The following PRPF8 variants were observed in gnomAD, a reference collection of about 807,000 sequenced individuals.
PRPF8 encodes the protein pre-mRNA-processing-splicing factor 8.
A neutral mutation model predicts 285.9 loss-of-function variants in PRPF8; 64 were observed. The observed-to-expected ratio is 0.22, with a 90% confidence interval of 0.18 to 0.28. The LOEUF (loss-of-function observed/expected upper bound fraction) is 0.28. PRPF8 is among the 10% of genes least tolerant of loss of function. The pLI is 1.00. For missense variants in PRPF8, 1,426 were observed against 3,026.7 expected (o/e 0.47, Z 12.41); for synonymous variants, 1,325 against 1,118.2 (o/e 1.18, Z -3.69).
chr17:1,675,438 G>A lies in PRPF8; in HGVS notation c.2873-99C>T, dbSNP rs1041354858. ...TACCTTCCATAACCAATCCCACTAT[G>A]ATTCCACGTATTCATTTGGATTGCT... is the stretch of plus-strand genomic sequence containing the variant. On this transcript the variant is annotated intron_variant, in intron 19 of 42. Transcript: ENST00000304992. The surrounding 1 kb of genome is among the most constrained non-coding windows in gnomAD (Gnocchi z 6.0). The A allele has an allele frequency of 2.0e-6, 3 of 1,477,334 alleles. No individual in the cohort carries two copies. The highest frequency in any genetic ancestry group is 1.4e-5 in the African/African-American group (1 of 72,096). The allele number at this position is 1,477,334 out of a possible 1,614,324, so 91.5% of individuals were successfully genotyped here.
rs574075876 is a variant in PRPF8 at position 1,677,144 on chromosome 17, T to C, written c.2013A>G (p.Thr671=). ...EGRHSKGVAK[T]VTKQRVESHF... ...GTGACTCCACTCGCTGCTTTGTTAC[T>C]GTCTTTGCCACCCCCTTTGAGTGTC... The change falls in exon 15 of 43, where the codon ACA becomes ACG. Residue 671 remains threonine (T), a synonymous_variant. Transcript: ENST00000304992. 1.8e-4 allele frequency: 287 copies of C among 1,613,898 alleles called. 4 individuals are homozygous for C. In the South Asian group the frequency reaches 2.8e-3, roughly 16 times the overall value.
At chr17:1,669,981 A>G (rs1912216671) in intron 24 of PRPF8, among the ~76,000 whole-genome samples, 1 of 152,104 alleles carries the variant, frequency 6.6e-6, no homozygotes, top group Admixed American at 6.6e-5. Flanking sequence ...GTTTCTTCAG[A>G]TTGCTTCTCA....
chr17:1,682,105 C>T (rs752041047), intron 4 of PRPF8, 24 bp downstream of exon 4: 44 of 1,613,784 alleles, frequency 2.7e-5, no homozygotes, highest in Non-Finnish European at 3.1e-5. Flanking sequence ...CCACCACCAC[C>T]CACCATATTT....
At chr17:1,683,982 G>A (rs182046194) in intron 2 of PRPF8, among the ~76,000 whole-genome samples, 79 of 151,824 alleles carry the variant, frequency 5.2e-4, no homozygotes, top group South Asian at 1.2e-3. Flanking sequence ...CGCCTCCTGG[G>A]TTCAAGCCAT....
In PRPF8 at chr17:1,656,684, G is replaced by A. The variant is rs780838844; in HGVS notation, c.5583C>T (p.Ile1861=). Reference sequence around the variant, plus strand: ...CCAGCATGCCCTTCCTGGTGACAATGATCTGCTTGGGCTGCTCCTCCACAG... The same window carrying A: ...CCAGCATGCCCTTCCTGGTGACAATAATCTGCTTGGGCTGCTCCTCCACAG... The part of the protein sequence containing the change: ...SLPVEEQPKQ[I]IVTRKGMLDP... Residue 1861 remains isoleucine, a synonymous_variant, in exon 35 of 43, where the codon ATC becomes ATT. Transcript: ENST00000304992. The A allele has an allele frequency of 3.1e-6, 5 of 1,614,118 alleles. No homozygotes were observed. The East Asian group carries it at 1.1e-4, about 36-fold the overall frequency.
At chr17:1,677,384 C>T (rs1912660649) in intron 14 of PRPF8, 181 bp downstream of exon 14, 2 of 1,014,600 alleles carry the variant, frequency 2.0e-6, no homozygotes, top group Non-Finnish European at 3.0e-6. Flanking sequence ...GCATGACTGC[C>T]TCTCAAGGCC....
intron 39 of PRPF8, chr17:1,652,207 T>G: frequency 3.1e-6 from 1 of 317,784 alleles, no homozygotes; most frequent in Non-Finnish European, 6.1e-6. Context: ...CACAGGATAT[T>G]AACAATCTTT....
rs1912794406 is a variant in PRPF8, at chr17:1,679,586, CCT to C, written c.1289+21_1289+22del. ...CTCCTACACATCCACTATCATTCCC[CCT>C]GCCACAGGGAAAAACCTTACCAGTT... On this transcript the variant is annotated intron_variant, in intron 9 of 42. Transcript: ENST00000304992. This position sits in a 1 kb window ranked among gnomAD's most constrained non-coding sequence, Gnocchi z 4.7. 2 of 1,612,400 alleles carry C rather than the reference CCT, an allele frequency of 1.2e-6. No individual in the cohort carries two copies. The highest frequency in any genetic ancestry group is 1.1e-5 in the South Asian group (1 of 91,006).
chr17:1,670,556 G>A (rs1912251294), intron 24 of PRPF8, among the ~76,000 whole-genome samples: 1 of 151,788 alleles, frequency 6.6e-6, no homozygotes, highest in Admixed American at 6.6e-5. Flanking sequence ...GTGGGATCTC[G>A]GCTCACTGCA....
chr17:1,652,376 C>A (rs1911127843), intron 39 of PRPF8, among the ~76,000 whole-genome samples: 1 of 152,094 alleles, frequency 6.6e-6, no homozygotes, highest in East Asian at 1.9e-4. Context: ...GTAGCTGGGA[C>A]TACAGGCACA....
chr17:1,676,690 T>C lies in PRPF8; in HGVS notation c.2203A>G (p.Ile735Val). 2 of 1,614,074 alleles carry C rather than the reference T, an allele frequency of 1.2e-6. No individual in the cohort carries two copies. The highest frequency in any genetic ancestry group is 1.7e-6 in the Non-Finnish European group (2 of 1,180,016). The change falls in exon 16 of 43, where the codon ATA (isoleucine) becomes GTA (valine). Residue 735 changes from isoleucine to valine, a missense_variant. Around this residue, in one of 34 missense-constraint regions of PRPF8, gnomAD observed 30 missense variants for 61.0 expected, o/e 0.49. Transcript: ENST00000304992. This position sits in a 1 kb window ranked among gnomAD's most constrained non-coding sequence, Gnocchi z 6.3. The part of the protein sequence containing the change: ...PWKVPGLPTP[I>V]ENMILRYVKA... Reference sequence around the variant, plus strand: ...ACGTATCGAAGGATCATATTCTCTATGGGCGTCGGCAGCCCAGGGACCTAA... The same window carrying C: ...ACGTATCGAAGGATCATATTCTCTACGGGCGTCGGCAGCCCAGGGACCTAA...
intron 36 of PRPF8, 79 bp from the exon 37 acceptor site, chr17:1,655,622 C>A: frequency 1.5e-6 from 2 of 1,352,428 alleles, no homozygotes; most frequent in Non-Finnish European, 2.1e-6. Flanking sequence ...TCATGAAACC[C>A]AAGAATTTTT....
chr17:1,661,833 A>G lies in PRPF8; in HGVS notation c.4023-43T>C. 6.2e-7 allele frequency: 1 copy of G among 1,614,164 alleles called. No homozygotes were observed. Among genetic ancestry groups the G allele is most frequent in the Non-Finnish European group, 8.5e-7 (1 of 1,180,044 alleles). On this transcript the variant is annotated intron_variant, in intron 25 of 42. Coordinates refer to ENST00000304992, the MANE Select transcript of PRPF8 (RefSeq NM_006445.4). The surrounding 1 kb of genome is among the most constrained non-coding windows in gnomAD (Gnocchi z 7.3). ...CAAGATTACAGAAAAAATAAAGCCTAAAACTAAAGAAATACCCACTTCCCT... is the reference window on the plus strand; with the variant it reads ...CAAGATTACAGAAAAAATAAAGCCTGAAACTAAAGAAATACCCACTTCCCT...
intron 24 of PRPF8, among the ~76,000 whole-genome samples, chr17:1,668,608 C>T (rs559060383): frequency 4.6e-5 from 7 of 151,898 alleles, no homozygotes; most frequent in East Asian, 1.9e-4. Context: ...GTGATCCACC[C>T]GCCTCGGCCT....
At chr17:1,663,339 C>T (rs897389228) in intron 24 of PRPF8, among the ~76,000 whole-genome samples, 15 of 151,876 alleles carry the variant, frequency 9.9e-5, no homozygotes, top group Non-Finnish European at 1.5e-5. Context: ...TTAAACTGAG[C>T]TACATTGCCA....
At position 1,673,917 on chromosome 17, in the gene PRPF8, G is replaced by A. The variant is rs1193496386; in HGVS notation, c.3300-25C>T. The A allele has an allele frequency of 1.9e-6, 3 of 1,609,406 alleles. No homozygotes were observed. The highest frequency in any genetic ancestry group is 1.3e-5 in the African/African-American group (1 of 74,882). On this transcript the variant is annotated intron_variant, in intron 21 of 42. Coordinates refer to ENST00000304992, the MANE Select transcript of PRPF8 (RefSeq NM_006445.4). This position sits in a 1 kb window ranked among gnomAD's most constrained non-coding sequence, Gnocchi z 5.5. ...CCTACACCAGACCAGGTACACTGCT[G>A]AGGCCCCAGTACACTGAGATTTGGG...
chr17:1,654,051 C>G, intron 37 of PRPF8, 35 bp from the exon 38 acceptor site: 1 of 1,613,970 alleles, frequency 6.2e-7, no homozygotes, highest in East Asian at 2.2e-5. Flanking sequence ...TACAAGGATC[C>G]CTTCCCCTTG....
At chr17:1,660,403 A>G (rs916445515) in intron 30 of PRPF8, 29 bp downstream of exon 30, 5 of 1,612,926 alleles carry the variant, frequency 3.1e-6, no homozygotes, top group African/African-American at 2.7e-5. Context: ...GACTCTCTAC[A>G]GTACCCTCTC....
At chr17:1,656,881 G>T in intron 34 of PRPF8, 120 bp from the exon 35 acceptor site, 1 of 929,266 alleles carries the variant, frequency 1.1e-6, no homozygotes, top group Non-Finnish European at 1.7e-6. Flanking sequence ...GATGTTAAAT[G>T]TTAGGCACTT....
Sources: gnomAD v4.1 joint callset for allele counts (sites outside exome capture counted in the v4.1 genomes callset) on GRCh38, gnomAD v4.1.1 for gene constraint, gnomAD v4.1.1 regional missense constraint, Gnocchi (gnomAD v3.1) non-coding constraint, MANE v1.5 for transcripts, NCBI Gene and HGNC (gene_info 2026-07-23, HGNC 2026-07-21) for gene names.